PRR14L: variants seen among roughly 807,000 people sequenced by gnomAD.
PRR14L encodes proline rich 14 like, also known as protein PRR14L.
PRR14L carries 80 observed loss-of-function variants against 155.0 expected under a neutral mutation model. The observed-to-expected ratio is 0.52, with a 90% confidence interval of 0.43 to 0.62. The LOEUF is 0.62. PRR14L is among the 20% of genes least tolerant of loss of function. The probability of loss-of-function intolerance (pLI) is 0.00; values close to 1 mark genes in which losing one functional copy is unlikely to be tolerated. For synonymous variants in PRR14L, 883 were observed against 916.0 expected (o/e 0.96, Z 0.65); for missense variants, 2,469 against 2,548.0 (o/e 0.97, Z 0.67).
chr22:31,685,904 C>T, intron 8 of PRR14L, 101 bp from the exon 9 acceptor site: 1 of 1,061,248 alleles, frequency 9.4e-7, no homozygotes, highest in Non-Finnish European at 1.4e-6. Flanking sequence ...CCCTTCTAGT[C>T]AACAGGGACT....
chr22:31,723,263 A>T (rs1468358944), intron 3 of PRR14L, among the ~76,000 whole-genome samples: 1 of 152,216 alleles, frequency 6.6e-6, no homozygotes, highest in Non-Finnish European at 1.5e-5. Context: ...AATAAGCATG[A>T]TATTAGAACA....
chr22:31,726,993 T>C (rs376597274), intron 2 of PRR14L, among the ~76,000 whole-genome samples: 10 of 152,190 alleles, frequency 6.6e-5, no homozygotes, highest in African/African-American at 1.9e-4. Context: ...TCCAAGGCTA[T>C]TGGAGCCTCT....
chr22:31,724,034 T>C (rs374535141), intron 3 of PRR14L, among the ~76,000 whole-genome samples: 2 of 152,294 alleles, frequency 1.3e-5, no homozygotes, highest in African/African-American at 2.4e-5. Context: ...ACTAGCATTA[T>C]ATTCTCATAG....
In PRR14L at chr22:31,715,032, G is replaced by A. The variant is rs751612986; in HGVS notation, c.2807C>T (p.Pro936Leu). Reference protein sequence around the residue: ...IQELNQTVNIPGPEKVLDQSP... With the variant: ...IQELNQTVNILGPEKVLDQSP... Reference sequence around the variant, plus strand: ...CTGGTCCAACACTTTTTCAGGACCTGGAATGTTTACAGTCTGGTTTAGTTC... The same window carrying A: ...CTGGTCCAACACTTTTTCAGGACCTAGAATGTTTACAGTCTGGTTTAGTTC... The change falls in exon 4 of 9, where the codon CCA becomes CTA. Residue 936 changes from proline (P) to leucine (L), a missense_variant. By Grantham distance (98) the Pro-to-Leu change is moderately conservative. Around this residue, in one of 2 missense-constraint regions of PRR14L, gnomAD observed 2,363 missense variants for 2,371.6 expected, o/e 1.00. Transcript: ENST00000327423. 9 of 1,551,868 alleles carry A rather than the reference G, an allele frequency of 5.8e-6. No homozygotes were observed. Among genetic ancestry groups the A allele is most frequent in the South Asian group, 4.8e-5 (4 of 84,058 alleles).
intron 4 of PRR14L, among the ~76,000 whole-genome samples, chr22:31,707,575 T>C (rs2074598767): frequency 6.6e-6 from 1 of 152,066 alleles, no homozygotes; most frequent in Non-Finnish European, 1.5e-5. Flanking sequence ...TTAGTAGAGA[T>C]GGCGTTTCAC....
rs147151959 is a variant in PRR14L, at chr22:31,745,707, C to T, written c.-52+4286G>A. On this transcript the variant is annotated intron_variant, in intron 1 of 8. Transcript: ENST00000327423. ...CTAAAAAATGCAAAAATTAGCTGGGCGTGGTGGCAGGAGCCTGTAATCTCA... is the reference window on the plus strand; with the variant it reads ...CTAAAAAATGCAAAAATTAGCTGGGTGTGGTGGCAGGAGCCTGTAATCTCA... 2.8e-4 allele frequency among the ~76,000 whole-genome samples: 43 copies of T among 151,314 alleles called. No individual in the cohort carries two copies. The East Asian group carries it at 7.2e-3, about 25-fold the overall frequency.
chr22:31,725,708 TC>T, intron 2 of PRR14L, 98 bp from the exon 3 acceptor site: 1 of 777,870 alleles, frequency 1.3e-6, no homozygotes. Context: ...GTCTTGCTGT[TC>T]CCAGACTGAA....
Position 31,714,782 on chromosome 22 carries a change from T to C in PRR14L, c.3057A>G (p.Ser1019=), listed in dbSNP as rs1274727590. 6.4e-7 allele frequency: 1 copy of C among 1,552,356 alleles called. No homozygotes were observed. Among genetic ancestry groups the C allele is most frequent in the Non-Finnish European group, 8.7e-7 (1 of 1,147,138 alleles). Residue 1019 remains serine, a synonymous_variant, in exon 4 of 9, where the codon TCA becomes TCG. Transcript: ENST00000327423. ...CACAAGGTAGTGAGTTATTACTGCC[T>C]GAGCTGACCAGCAGATCCTTTTGGT... The part of the protein sequence containing the change: ...NHNQKDLLVS[S]GSNNSLPCGS...
chr22:31,682,502 G>A lies in PRR14L; in HGVS notation c.*3025C>T, dbSNP rs2074459709. On this transcript the variant is annotated 3_prime_UTR_variant, in exon 9 of 9. Coordinates refer to ENST00000327423, the MANE Select transcript of PRR14L (RefSeq NM_173566.3). ...GGAGATGAGGTACAGCTGAACTCAT[G>A]GAGACATGAAGCTGGAAAGGAGACC... 1 of 152,020 alleles carries A rather than the reference G, an allele frequency of 6.6e-6. No individual in the cohort carries two copies. The highest frequency in any genetic ancestry group is 6.6e-5 in the Admixed American group (1 of 15,208). The allele number at this position is 152,020 out of a possible 1,614,324, so 9.4% of individuals were successfully genotyped here.
Position 31,712,834 on chromosome 22 carries a change from G to A in PRR14L, c.5005C>T (p.Gln1669Ter). 1 of 1,552,108 alleles carries A rather than the reference G, an allele frequency of 6.4e-7. No individual in the cohort carries two copies. The highest frequency in any genetic ancestry group is 8.7e-7 in the Non-Finnish European group (1 of 1,147,092). The change falls in exon 4 of 9, where the codon CAG becomes TAG. Residue 1669 changes from glutamine (Q) to a stop codon, truncating the protein, a stop_gained. Transcript: ENST00000327423. LOFTEE classifies it high-confidence loss of function. ...CTAGCTGCCAAATATGGATTCAGCT[G>A]CTCTGTGCTGGATGAAAATCCGTCC... ...LLDGFSSSTE[Q>*]LNPYLAASGW...
rs185467030 is a variant in PRR14L at position 31,718,350 on chromosome 22, G to C, written c.548-1059C>G. On this transcript the variant is annotated intron_variant, in intron 3 of 8. Transcript: ENST00000327423. The stretch of plus-strand genomic sequence containing the variant: ...GGCTCACTGCAACCTCCGCCTCCCG[G>C]GTTCATGCCATTCTCCTGCCTCAGC... Among the ~76,000 whole-genome samples, 60 of 151,896 alleles carry C rather than the reference G, an allele frequency of 4.0e-4. 1 individual carries two copies. The East Asian group carries it at 8.2e-3, about 21-fold the overall frequency.
chr22:31,710,355 C>G (rs2074614222), intron 4 of PRR14L, among the ~76,000 whole-genome samples: 1 of 152,054 alleles, frequency 6.6e-6, no homozygotes, highest in Non-Finnish European at 1.5e-5. Flanking sequence ...TCTAATTTGT[C>G]AAATACAGCA....
In PRR14L at chr22:31,690,464, C is replaced by T. The variant is rs551677916; in HGVS notation, c.6108-2237G>A. On this transcript the variant is annotated intron_variant, in intron 7 of 8. Coordinates refer to ENST00000327423, the MANE Select transcript of PRR14L (RefSeq NM_173566.3). ...CCTCCCAAAGTGCTGGAATTACAAG[C>T]GTGAGCCACTGTGACTGGCCTATTT... 8.0e-4 allele frequency among the ~76,000 whole-genome samples: 122 copies of T among 152,006 alleles called. 1 individual carries two copies. The highest frequency in any genetic ancestry group is 1.3e-3 in the Non-Finnish European group (90 of 67,970).
intron 7 of PRR14L, among the ~76,000 whole-genome samples, chr22:31,694,953 C>A (rs1362492241): frequency 7.3e-5 from 11 of 150,072 alleles, no homozygotes; most frequent in African/African-American, 2.7e-4. Flanking sequence ...TGTGGCGGCA[C>A]ACTCCTGTAG....
intron 7 of PRR14L, among the ~76,000 whole-genome samples, chr22:31,690,453 G>A (rs1164997723): frequency 6.6e-6 from 1 of 152,106 alleles, no homozygotes; most frequent in Non-Finnish European, 1.5e-5. Context: ...CCAAAGTGCT[G>A]GAATTACAAG....
At chr22:31,748,744 T>C (rs2074854342) in intron 1 of PRR14L, among the ~76,000 whole-genome samples, 1 of 152,200 alleles carries the variant, frequency 6.6e-6, no homozygotes. Context: ...GAAGAAGTGA[T>C]ACCTTCTGTG....
intron 4 of PRR14L, among the ~76,000 whole-genome samples, chr22:31,709,337 C>T (rs907229661): frequency 8.6e-5 from 13 of 151,924 alleles, no homozygotes; most frequent in East Asian, 1.9e-4. Flanking sequence ...ACTGCAACCC[C>T]GGCCTCCCAG....
At chr22:31,707,941 G>A (rs1319005260) in intron 4 of PRR14L, among the ~76,000 whole-genome samples, 1 of 152,084 alleles carries the variant, frequency 6.6e-6, no homozygotes, top group Non-Finnish European at 1.5e-5. Flanking sequence ...CCTGAGGTCA[G>A]GAGTTCAAGG....
chr22:31,685,150 G>A lies in PRR14L; in HGVS notation c.*377C>T, dbSNP rs868322818. On this transcript the variant is annotated 3_prime_UTR_variant, in exon 9 of 9. Coordinates refer to ENST00000327423, the MANE Select transcript of PRR14L (RefSeq NM_173566.3). The stretch of plus-strand genomic sequence containing the variant: ...GGTCTAGCACCACCGTAAACAAAGC[G>A]GAACTTTCATATGGACGTGCAAATC... The A allele has an allele frequency of 4.3e-5, 8 of 184,520 alleles. No homozygotes were observed. The highest frequency in any genetic ancestry group is 1.2e-4 in the South Asian group (1 of 8,258). The allele number at this position is 184,520 out of a possible 1,614,324, so 11.4% of individuals were successfully genotyped here. A position where few individuals can be genotyped will look rare whatever the true frequency, so the allele number is the denominator to read the frequency against.
Sources: allele counts gnomAD v4.1 joint callset (sites outside exome capture counted in the v4.1 genomes callset), GRCh38; gene constraint gnomAD v4.1.1; regional missense constraint gnomAD v4.1.1; transcripts MANE v1.5; gene names NCBI Gene and HGNC (gene_info 2026-07-23, HGNC 2026-07-21).